Variants in FIG4 observed in about 807,000 individuals in gnomAD.
FIG4 encodes FIG4 phosphoinositide 5-phosphatase, also known as polyphosphoinositide phosphatase.
In FIG4, 112 loss-of-function variants were observed where a neutral mutation model predicts 118.6. The observed-to-expected ratio is 0.94, with a 90% CI of 0.81 to 1.11. FIG4 has a LOEUF of 1.11. FIG4 is among the 50% of genes least tolerant of loss of function. FIG4 has a pLI of 0.00. For missense variants in FIG4, 969 were observed against 1,111.7 expected (o/e 0.87, Z 1.83); for synonymous variants, 369 against 381.2 (o/e 0.97, Z 0.37).
intron 1 of FIG4, among the ~76,000 whole-genome samples, chr6:109,702,011 A>G (rs963373454): frequency 5.9e-5 from 9 of 152,186 alleles, no homozygotes; most frequent in Non-Finnish European, 1.0e-4. Flanking sequence ...TCTGGGCGGC[A>G]TTACCCAATT....
rs949559914 is a variant in FIG4 at position 109,703,608 on chromosome 6, G to A, written c.67-11470G>A. Among the ~76,000 whole-genome samples, 9 of 152,288 alleles carry A rather than the reference G, an allele frequency of 5.9e-5. No homozygotes were observed. The East Asian group carries it at 1.7e-3, about 29-fold the overall frequency. On this transcript the variant is annotated intron_variant, in intron 1 of 22. Transcript: ENST00000230124. ...TATGGTTTTAGTAAGATGTTTGGGA[G>A]GACCAGAGGTGTCCACTCCTCCATC...
At chr6:109,741,305 G>A (rs375504213) in intron 7 of FIG4, 139 bp from the exon 8 acceptor site, 55 of 753,966 alleles carry the variant, frequency 7.3e-5, no homozygotes, top group African/African-American at 3.4e-5. Flanking sequence ...ATCAAGTGCT[G>A]TTCCATTCTT....
chr6:109,750,445 G>T (rs986890545), intron 10 of FIG4, among the ~76,000 whole-genome samples: 1 of 152,134 alleles, frequency 6.6e-6, no homozygotes, highest in Non-Finnish European at 1.5e-5. Flanking sequence ...AGCAGACTGG[G>T]CAGCATAGGA....
At chr6:109,773,783 C>T (rs1196493772) in intron 15 of FIG4, among the ~76,000 whole-genome samples, 1 of 152,094 alleles carries the variant, frequency 6.6e-6, no homozygotes, top group African/African-American at 2.4e-5. Context: ...GTGATTTTCC[C>T]ACCTCAGCCT....
chr6:109,745,803 A>G (rs1776477726), intron 10 of FIG4, among the ~76,000 whole-genome samples: 1 of 152,076 alleles, frequency 6.6e-6, no homozygotes, highest in Non-Finnish European at 1.5e-5. Context: ...ATTCATCTCG[A>G]GTTAATTTTT....
intron 1 of FIG4, among the ~76,000 whole-genome samples, chr6:109,692,983 C>T (rs945957847): frequency 2.0e-5 from 3 of 152,110 alleles, no homozygotes; most frequent in East Asian, 3.9e-4. Context: ...CGCATCTGGC[C>T]GTAAATAAAA....
chr6:109,758,286 G>T (rs565137336), intron 10 of FIG4, among the ~76,000 whole-genome samples: 5 of 151,222 alleles, frequency 3.3e-5, no homozygotes, highest in African/African-American at 1.2e-4. Flanking sequence ...CAGAACAGAG[G>T]CCTCAGAAAT....
chr6:109,808,532 C>A (rs1778634739), intron 22 of FIG4, among the ~76,000 whole-genome samples: 1 of 151,980 alleles, frequency 6.6e-6, no homozygotes, highest in South Asian at 2.1e-4. Flanking sequence ...ACTTGTATTT[C>A]AAAGTACTAT....
intron 1 of FIG4, among the ~76,000 whole-genome samples, chr6:109,692,831 G>A (rs954139510): frequency 1.3e-5 from 2 of 151,934 alleles, no homozygotes; most frequent in East Asian, 1.9e-4. Context: ...CTCCCAAGTA[G>A]CTAGGATTAC....
chr6:109,724,803 T>TTGTGTG (rs60968865), intron 3 of FIG4, among the ~76,000 whole-genome samples: 2,595 of 146,718 alleles, frequency 0.018, 80 homozygotes, highest in African/African-American at 0.063. Flanking sequence ...TTATAATCCT[T>TTGTGTG]TGTGTGTGTG....
At chr6:109,741,026 C>T (rs1776307509) in intron 7 of FIG4, among the ~76,000 whole-genome samples, 1 of 152,132 alleles carries the variant, frequency 6.6e-6, no homozygotes, top group African/African-American at 2.4e-5. Flanking sequence ...GGGACGTCCG[C>T]CTCCATGATG....
intron 21 of FIG4, among the ~76,000 whole-genome samples, chr6:109,795,853 G>A (rs528898599): frequency 1.3e-5 from 2 of 152,054 alleles, no homozygotes; most frequent in African/African-American, 2.4e-5. Flanking sequence ...CGCCTGCCTC[G>A]GCCTCCCAAA....
intron 1 of FIG4, among the ~76,000 whole-genome samples, chr6:109,709,531 G>A (rs779784791): frequency 2.6e-4 from 39 of 152,254 alleles, no homozygotes; most frequent in South Asian, 1.4e-3. Context: ...GAATAGCATC[G>A]AATCTGTAAA....
At chr6:109,751,844 T>A (rs551328243) in intron 10 of FIG4, among the ~76,000 whole-genome samples, 22 of 151,610 alleles carry the variant, frequency 1.5e-4, no homozygotes, top group Middle Eastern at 3.4e-3. Flanking sequence ...TCTTTTTTTT[T>A]ATTATTATTA....
intron 7 of FIG4, among the ~76,000 whole-genome samples, chr6:109,739,340 A>G (rs1302483253): frequency 2.0e-5 from 3 of 152,166 alleles, no homozygotes; most frequent in Non-Finnish European, 2.9e-5. Flanking sequence ...AGAAGGCAGC[A>G]TGTACCATCT....
At chr6:109,734,898 A>G (rs1776114427) in intron 5 of FIG4, among the ~76,000 whole-genome samples, 1 of 152,194 alleles carries the variant, frequency 6.6e-6, no homozygotes, top group South Asian at 2.1e-4. Flanking sequence ...TACAAATCAA[A>G]TAACGTAGGT....
chr6:109,797,365 C>T (rs1778316659), intron 22 of FIG4, among the ~76,000 whole-genome samples: 2 of 152,194 alleles, frequency 1.3e-5, no homozygotes, highest in Admixed American at 6.5e-5. Context: ...GTTTCCTCAT[C>T]TGCAAAAGGG....
At chr6:109,692,731 C>G (rs1010607432) in intron 1 of FIG4, among the ~76,000 whole-genome samples, 3 of 151,454 alleles carry the variant, frequency 2.0e-5, no homozygotes, top group African/African-American at 7.3e-5. Context: ...GAGTCTTGCT[C>G]TGTCACCCAG....
intron 22 of FIG4, 33 bp from the exon 23 acceptor site, chr6:109,825,055 T>G (rs777350318): frequency 6.2e-7 from 1 of 1,600,222 alleles, no homozygotes; most frequent in Admixed American, 1.7e-5. Flanking sequence ...ATATTTTCTT[T>G]AATGCAGCCC....
Sources: gnomAD v4.1 joint callset for allele counts (sites outside exome capture counted in the v4.1 genomes callset) on GRCh38, gnomAD v4.1.1 for gene constraint, MANE v1.5 for transcripts, NCBI Gene and HGNC (gene_info 2026-07-23, HGNC 2026-07-21) for gene names.